Variants in CRACD observed in about 807,000 individuals in gnomAD.
CRACD encodes the protein capping protein inhibiting regulator of actin dynamics, also known as capping protein-inhibiting regulator of actin dynamics.
In CRACD, 56 loss-of-function variants were observed where a neutral mutation model predicts 106.8. That is an observed-to-expected ratio of 0.52 (90% CI 0.42 to 0.66). CRACD has a LOEUF of 0.66. CRACD is among the 30% of genes least tolerant of loss of function. The pLI is 0.00. For missense variants in CRACD, 1,730 were observed against 1,623.2 expected (o/e 1.07, Z -1.13); for synonymous variants, 754 against 670.8 (o/e 1.12, Z -1.92).
At chr4:56,301,709 T>C (rs1259476739) in intron 4 of CRACD, among the ~76,000 whole-genome samples, 1 of 151,916 alleles carries the variant, frequency 6.6e-6, no homozygotes, top group Non-Finnish European at 1.5e-5. Context: ...AGAACTGTCT[T>C]AGTTTGCAGG....
intron 1 of CRACD, among the ~76,000 whole-genome samples, chr4:56,130,288 C>T (rs1051177132): frequency 6.6e-6 from 1 of 152,084 alleles, no homozygotes; most frequent in East Asian, 1.9e-4. Flanking sequence ...AAAACTGTAA[C>T]CATAATCTCA....
Position 56,327,816 on chromosome 4 carries a change from C to A in CRACD, c.*12C>A. The A allele has an allele frequency of 6.2e-7, 1 of 1,607,418 alleles. No homozygotes were observed. Among genetic ancestry groups the A allele is most frequent in the South Asian group, 1.1e-5 (1 of 90,380 alleles). On this transcript the variant is annotated 3_prime_UTR_variant, in exon 11 of 11. Coordinates refer to ENST00000682029, the MANE Select transcript of CRACD (RefSeq NM_001393381.1). ...AGATTATTAAGTAAAGAGTGACTCTCACCCATCCCTACTGCCAGTTATTGG... is the reference window on the plus strand; with the variant it reads ...AGATTATTAAGTAAAGAGTGACTCTAACCCATCCCTACTGCCAGTTATTGG...
chr4:56,106,687 C>A (rs1009816674), intron 1 of CRACD, among the ~76,000 whole-genome samples: 11 of 152,158 alleles, frequency 7.2e-5, no homozygotes, highest in African/African-American at 2.7e-4. Context: ...ATTCTTTTTC[C>A]TTGGTTCCTC....
chr4:56,249,057 C>T (rs1243860280), intron 2 of CRACD, among the ~76,000 whole-genome samples: 1 of 85,734 alleles, frequency 1.2e-5, no homozygotes, highest in Non-Finnish European at 2.3e-5. Context: ...GTCTTTATAG[C>T]GGCATGATTT....
intron 1 of CRACD, among the ~76,000 whole-genome samples, chr4:56,149,997 G>C (rs1282079763): frequency 6.6e-6 from 1 of 152,142 alleles, no homozygotes; most frequent in Non-Finnish European, 1.5e-5. Flanking sequence ...GATTGTTCAA[G>C]TAGTCAACAA....
chr4:56,256,528 A>G lies in CRACD; in HGVS notation c.-188-15793A>G, dbSNP rs574483551. On this transcript the variant is annotated intron_variant, in intron 2 of 10. Transcript: ENST00000682029. ...ATTAATAGAAACTGAATGCTTAACC[A>G]TGGGCCACCAAGTTTCCATGAAGCC... Among the ~76,000 whole-genome samples, 30 of 152,318 alleles carry G rather than the reference A, an allele frequency of 2.0e-4. No individual in the cohort carries two copies. The South Asian group carries it at 6.0e-3, about 30-fold the overall frequency.
chr4:56,069,195 G>T (rs1192189280), intron 1 of CRACD, among the ~76,000 whole-genome samples: 1 of 152,204 alleles, frequency 6.6e-6, no homozygotes, highest in Non-Finnish European at 1.5e-5. Flanking sequence ...AACTGTGAGA[G>T]AATAAGCTTG....
At position 56,316,700 on chromosome 4, in the gene CRACD, G is replaced by A. The variant is rs200705436; in HGVS notation, c.3187+11G>A. ...AGGCCGGGAGGAAAGGTAGGTAGCT[G>A]CAGGGTGGGTAACTGCTGCCAGCCG... On this transcript the variant is annotated intron_variant, in intron 8 of 10. Coordinates refer to ENST00000682029, the MANE Select transcript of CRACD (RefSeq NM_001393381.1). 6.3e-7 allele frequency: 1 copy of A among 1,597,680 alleles called. No homozygotes were observed. Among genetic ancestry groups the A allele is most frequent in the Non-Finnish European group, 8.5e-7 (1 of 1,169,842 alleles).
chr4:56,229,664 C>T (rs561705890), intron 2 of CRACD, among the ~76,000 whole-genome samples: 3 of 152,284 alleles, frequency 2.0e-5, no homozygotes, highest in South Asian at 2.1e-4. Flanking sequence ...AACATATATC[C>T]TGATGCTTCT....
At chr4:56,093,294 G>A (rs1733488468) in intron 1 of CRACD, among the ~76,000 whole-genome samples, 1 of 152,124 alleles carries the variant, frequency 6.6e-6, no homozygotes, top group Admixed American at 6.6e-5. Context: ...TTCCTGATGC[G>A]ATGTTAAGTC....
At chr4:56,117,162 A>G (rs2109849481) in intron 1 of CRACD, among the ~76,000 whole-genome samples, 1 of 151,698 alleles carries the variant, frequency 6.6e-6, no homozygotes, top group Admixed American at 6.6e-5. Flanking sequence ...CTGGGACTAC[A>G]GGTGCCCGCC....
chr4:56,287,219 A>G (rs612470), intron 3 of CRACD, among the ~76,000 whole-genome samples: 144,775 of 152,236 alleles, frequency 0.95, 68,936 homozygotes, highest in Middle Eastern at 0.98. Context: ...CGAATTCCTG[A>G]GCTCAAGCAA....
chr4:56,097,091 C>T (rs1733621827), intron 1 of CRACD, among the ~76,000 whole-genome samples: 1 of 152,014 alleles, frequency 6.6e-6, no homozygotes, highest in South Asian at 2.1e-4. Flanking sequence ...TGGAGGTTGG[C>T]CTTAGACAAG....
chr4:56,185,582 A>G (rs974791573), intron 2 of CRACD, among the ~76,000 whole-genome samples: 3 of 152,084 alleles, frequency 2.0e-5, no homozygotes, highest in Admixed American at 6.5e-5. Flanking sequence ...TTATCTTTCT[A>G]ATTAGGACCT....
rs78932481 is a variant in CRACD at position 56,181,487 on chromosome 4, C to G, written c.-189+2057C>G. ...GAACACGTACTCCCTCCACCCAGCA[C>G]ACACACAAAATACATACATTAGGCC... On this transcript the variant is annotated intron_variant, in intron 2 of 10. Transcript: ENST00000682029. 2.3e-3 allele frequency among the ~76,000 whole-genome samples: 346 copies of G among 152,312 alleles called. 1 individual carries two copies. Among genetic ancestry groups the G allele is most frequent in the African/African-American group, 8.0e-3 (333 of 41,560 alleles).
intron 1 of CRACD, among the ~76,000 whole-genome samples, chr4:56,057,049 A>G (rs1392646281): frequency 6.6e-6 from 1 of 152,254 alleles, no homozygotes; most frequent in Non-Finnish European, 1.5e-5. Flanking sequence ...TGAATAAAAT[A>G]TTGTTAAAAT....
chr4:56,144,708 T>G (rs1372793038), intron 1 of CRACD, among the ~76,000 whole-genome samples: 1 of 151,252 alleles, frequency 6.6e-6, no homozygotes, highest in Non-Finnish European at 1.5e-5. Flanking sequence ...CAGGCTGGAG[T>G]GCAGTGGCAC....
chr4:56,321,670 G>T (rs1746117105), intron 8 of CRACD, among the ~76,000 whole-genome samples: 2 of 152,174 alleles, frequency 1.3e-5, no homozygotes, highest in African/African-American at 2.4e-5. Context: ...TTGAGGTGAT[G>T]AATTCTTTTT....
chr4:56,235,071 A>G (rs1219771150), intron 2 of CRACD, among the ~76,000 whole-genome samples: 1 of 152,258 alleles, frequency 6.6e-6, no homozygotes, highest in Non-Finnish European at 1.5e-5. Context: ...AGTAGACTTT[A>G]ACGTGTCTAC....
Sources: allele counts gnomAD v4.1 joint callset (sites outside exome capture counted in the v4.1 genomes callset), GRCh38; gene constraint gnomAD v4.1.1; transcripts MANE v1.5; gene names NCBI Gene and HGNC (gene_info 2026-07-23, HGNC 2026-07-21).